Variants in SLC45A4 observed in about 807,000 individuals in gnomAD.
SLC45A4 encodes the protein solute carrier family 45 member 4.
A neutral mutation model predicts 63.7 loss-of-function variants in SLC45A4; 32 were observed. That is an observed-to-expected ratio of 0.50 (90% CI 0.38 to 0.67). The LOEUF (loss-of-function observed/expected upper bound fraction) is 0.67, where lower values mean the gene tolerates loss of function less well. Among genes scored for constraint, SLC45A4 ranks in the 30% least tolerant of loss-of-function variants. The probability of loss-of-function intolerance (pLI) is 0.00; values close to 1 mark genes in which losing one functional copy is unlikely to be tolerated. For missense variants in SLC45A4, 1,027 were observed against 1,157.7 expected (o/e 0.89, Z 1.64); for synonymous variants, 535 against 510.0 (o/e 1.05, Z -0.66).
At chr8:141,307,408 C>G (rs1031418094) in intron 1 of SLC45A4, among the ~76,000 whole-genome samples, 1 of 152,066 alleles carries the variant, frequency 6.6e-6, no homozygotes, top group Non-Finnish European at 1.5e-5. Flanking sequence ...AGCGCAGTGC[C>G]GATGAGACCG....
At position 141,212,330 on chromosome 8, in the gene SLC45A4, G is replaced by T; in HGVS notation, c.2168C>A (p.Ala723Asp). 1.2e-6 allele frequency: 2 copies of T among 1,612,776 alleles called. No individual in the cohort carries two copies. Among genetic ancestry groups the T allele is most frequent in the Non-Finnish European group, 1.7e-6 (2 of 1,179,422 alleles). Residue 723 changes from alanine (A) to aspartate (D), a missense_variant, in exon 8 of 9, where the codon GCC becomes GAC. Transcript: ENST00000517878. ...LVIYPNVSEE[A>D]KEEQKGLSSP... ...AGACAGGCCTTTCTGCTCCTCCTTG[G>T]CCTCCTCTGACACGTTGGGATAGAT...
intron 2 of SLC45A4, among the ~76,000 whole-genome samples, chr8:141,231,095 G>A (rs1032297533): frequency 3.9e-5 from 6 of 152,208 alleles, no homozygotes; most frequent in Admixed American, 2.0e-4. Context: ...CACTAGTGTG[G>A]GAGAAGCCAC....
chr8:141,244,898 A>G (rs1277132146), intron 2 of SLC45A4, among the ~76,000 whole-genome samples: 2 of 141,458 alleles, frequency 1.4e-5, no homozygotes, highest in African/African-American at 2.6e-5. Flanking sequence ...ACCAGGGCCC[A>G]GAAAACCTCT....
chr8:141,291,807 T>C (rs907562298), intron 1 of SLC45A4, among the ~76,000 whole-genome samples: 6 of 152,204 alleles, frequency 3.9e-5, no homozygotes, highest in Admixed American at 6.5e-5. Flanking sequence ...TGTTAACTCA[T>C]GCATTTTGAA....
intron 2 of SLC45A4, among the ~76,000 whole-genome samples, chr8:141,252,068 A>G (rs1424861080): frequency 6.7e-6 from 1 of 149,646 alleles, no homozygotes; most frequent in Admixed American, 6.7e-5. Context: ...AACAACCAAA[A>G]TAAGTAGGCT....
At chr8:141,239,584 AC>A (rs1827800132) in intron 2 of SLC45A4, among the ~76,000 whole-genome samples, 1 of 146,724 alleles carries the variant, frequency 6.8e-6, no homozygotes, top group African/African-American at 2.6e-5. Context: ...GCACACACAC[AC>A]ACACACACAC....
In SLC45A4 at chr8:141,248,952, T is replaced by C. The variant is rs1048111971; in HGVS notation, c.241+5037A>G. Among the ~76,000 whole-genome samples the C allele has an allele frequency of 2.0e-5, 3 of 148,106 alleles. No individual in the cohort carries two copies. In the South Asian group the frequency reaches 6.3e-4, roughly 31 times the overall value. ...GAATCAGCTGAGCCCAGGGAGGTCATGGCTGCAGTAAGTTGTGATAGTGCT... is the reference window on the plus strand; with the variant it reads ...GAATCAGCTGAGCCCAGGGAGGTCACGGCTGCAGTAAGTTGTGATAGTGCT... On this transcript the variant is annotated intron_variant, in intron 2 of 8. Transcript: ENST00000517878.
intron 1 of SLC45A4, among the ~76,000 whole-genome samples, chr8:141,258,626 T>C (rs1338707968): frequency 2.6e-5 from 4 of 152,184 alleles, no homozygotes; most frequent in Non-Finnish European, 5.9e-5. Context: ...TGCACACCTG[T>C]GATCCCAGCT....
intron 1 of SLC45A4, among the ~76,000 whole-genome samples, chr8:141,262,697 T>A (rs1774841794): frequency 6.6e-6 from 1 of 152,114 alleles, no homozygotes; most frequent in African/African-American, 2.4e-5. Flanking sequence ...ATGGCAATCA[T>A]TAAAAAGTCA....
intron 1 of SLC45A4, among the ~76,000 whole-genome samples, chr8:141,293,102 A>G (rs1830418433): frequency 6.6e-6 from 1 of 152,148 alleles, no homozygotes; most frequent in African/African-American, 2.4e-5. Flanking sequence ...GGCCTACGTA[A>G]TGCACGCCAG....
intron 2 of SLC45A4, among the ~76,000 whole-genome samples, chr8:141,240,224 G>A (rs188777816): frequency 1.1e-4 from 16 of 152,354 alleles, no homozygotes; most frequent in Admixed American, 7.2e-4. Flanking sequence ...ATTCTCGGAT[G>A]TTCTATTGCT....
intron 2 of SLC45A4, among the ~76,000 whole-genome samples, chr8:141,238,049 T>C (rs2154614439): frequency 6.6e-6 from 1 of 152,376 alleles, no homozygotes; most frequent in East Asian, 1.9e-4. Flanking sequence ...ATCTCCTGAA[T>C]GCTGTCCAGC....
chr8:141,256,566 G>A lies in SLC45A4; in HGVS notation c.-400-1937C>T, dbSNP rs1391838513. 2.2e-6 allele frequency: 1 copy of A among 456,260 alleles called. No homozygotes were observed. Among genetic ancestry groups the A allele is most frequent in the Non-Finnish European group, 4.4e-6 (1 of 226,966 alleles). 28.3% of individuals were successfully genotyped at this position (456,260 alleles called of 1,614,324 possible). On this transcript the variant is annotated intron_variant, in intron 1 of 8. Transcript: ENST00000517878. The surrounding 1 kb of genome is among the most constrained non-coding windows in gnomAD (Gnocchi z 4.3). ...AAGACTCCGCTGTACAGGAGGTTCT[G>A]GAAGGAAGCCGTGCGCCTGGCTCTT...
chr8:141,290,157 A>G (rs144466072), intron 1 of SLC45A4, among the ~76,000 whole-genome samples: 1 of 152,178 alleles, frequency 6.6e-6, no homozygotes, highest in African/African-American at 2.4e-5. Context: ...ATTATACATG[A>G]TCTACATCTA....
chr8:141,230,390 T>TGGG, intron 2 of SLC45A4: 2 of 331,836 alleles, frequency 6.0e-6, no homozygotes, highest in South Asian at 4.7e-5. Flanking sequence ...GACCCATGGG[T>TGGG]GCCGAGGGTT....
intron 1 of SLC45A4, among the ~76,000 whole-genome samples, chr8:141,261,470 A>C (rs1021418734): frequency 6.6e-6 from 1 of 152,090 alleles, no homozygotes; most frequent in African/African-American, 2.4e-5. Context: ...ATATCTAGAA[A>C]ACCCCATCGT....
chr8:141,286,266 G>A (rs1232947071), intron 1 of SLC45A4, among the ~76,000 whole-genome samples: 1 of 152,178 alleles, frequency 6.6e-6, no homozygotes, highest in African/African-American at 2.4e-5. Context: ...GGGAGCTGAG[G>A]AGAATGGGCG....
chr8:141,225,894 A>AT (rs1826956348), intron 2 of SLC45A4: 1 of 153,112 alleles, frequency 6.5e-6, no homozygotes, highest in South Asian at 2.0e-4. Context: ...TCTGACTCCT[A>AT]TAGTCCCCAC....
intron 1 of SLC45A4, among the ~76,000 whole-genome samples, chr8:141,274,502 C>G (rs1170811199): frequency 6.7e-6 from 1 of 149,128 alleles, no homozygotes. Flanking sequence ...CCATTGCACT[C>G]CAGCCTGGGC....
Sources: gnomAD v4.1 joint callset for allele counts (sites outside exome capture counted in the v4.1 genomes callset) on GRCh38, gnomAD v4.1.1 for gene constraint, Gnocchi (gnomAD v3.1) non-coding constraint, MANE v1.5 for transcripts, NCBI Gene and HGNC (gene_info 2026-07-23, HGNC 2026-07-21) for gene names.